The following TTN variants were observed in gnomAD, a reference collection of about 807,000 sequenced individuals.
TTN encodes titin, also known as connectin.
TTN carries 1,525 observed loss-of-function variants against 3,223.0 expected under a neutral mutation model. That is an observed-to-expected ratio of 0.47 (90% CI 0.45 to 0.49). The LOEUF is 0.49. Ranked by LOEUF, TTN falls within the 20% of genes least tolerant of loss-of-function variation. The pLI, the probability that TTN is intolerant of heterozygous loss-of-function variation, is 0.00. For synonymous variants in TTN, 14,094 were observed against 15,161.0 expected, an observed-to-expected ratio of 0.93 and a Z score of 5.17; for missense variants, 40,786 against 43,424.0, an observed-to-expected ratio of 0.94 and a Z score of 5.40.
chr2:178,599,528 T>C (rs2052706173), intron 289 of TTN, 26 bp downstream of exon 289: 1 of 1,524,140 alleles, frequency 6.6e-7, no homozygotes, highest in Admixed American at 2.2e-5. Flanking sequence ...AAACAAGTAA[T>C]TTTAACCAAA....
rs764148551 is a variant in TTN, at chr2:178,615,530, G to T, written c.48461-46C>A. 5.6e-6 allele frequency: 9 copies of T among 1,608,882 alleles called. No homozygotes were observed. The South Asian group carries it at 1.0e-4, about 18-fold the overall frequency. On this transcript the variant is annotated intron_variant, in intron 258 of 362. Coordinates refer to ENST00000589042, the MANE Select transcript of TTN (RefSeq NM_001267550.2). ...AGTCAGTCTTACACAGGCCACCTAT[G>T]CAGTTCTCTTCACATTGCCAACCCC...
At position 178,718,108 on chromosome 2, in the gene TTN, C is replaced by G. The variant is rs1300968279; in HGVS notation, c.24898G>C (p.Glu8300Gln). 4 of 1,612,316 alleles carry G rather than the reference C, an allele frequency of 2.5e-6. No individual in the cohort carries two copies. The Admixed American group carries it at 6.7e-5, about 27-fold the overall frequency. The change falls in exon 86 of 363, where the codon GAA (glutamate) becomes CAA (glutamine). Residue 8300 changes from glutamate to glutamine, a missense_variant. By Grantham distance (29) the Glu-to-Gln change is conservative. Coordinates refer to ENST00000589042, the MANE Select transcript of TTN (RefSeq NM_001267550.2). Reference sequence around the variant, plus strand: ...GGAGCTGATCGTAGCTTTGTGTGTTCTTTATACCAAGAAATTCTAATTTCT... The same window carrying G: ...GGAGCTGATCGTAGCTTTGTGTGTTGTTTATACCAAGAAATTCTAATTTCT... Reference protein sequence around the residue: ...TPEIRISWYKEHTKLRSAPAY... With the variant: ...TPEIRISWYKQHTKLRSAPAY...
intron 270 of TTN, 145 bp downstream of exon 270, chr2:178,610,848 T>C (rs2056170042): frequency 9.8e-7 from 1 of 1,024,886 alleles, no homozygotes; most frequent in Admixed American, 2.8e-5. Context: ...GTTTTACTTC[T>C]CCTATGGAAA....
rs1262186115 is a variant in TTN, at chr2:178,694,798, A to C, written c.31348+31T>G. The C allele has an allele frequency of 3.3e-6, 5 of 1,525,874 alleles. No homozygotes were observed. In the East Asian group the frequency reaches 1.2e-4, roughly 37 times the overall value. 94.5% of individuals were successfully genotyped at this position (1,525,874 alleles called of 1,614,324 possible). A position where few individuals can be genotyped will look rare whatever the true frequency, so the allele number is the denominator to read the frequency against. ...AGATCAGTAAACATATTACTTGTGT[A>C]CATGGGTGCTAGGAATGTTTTAAAT... On this transcript the variant is annotated intron_variant, in intron 116 of 362. Coordinates refer to ENST00000589042, the MANE Select transcript of TTN (RefSeq NM_001267550.2).
Position 178,587,217 on chromosome 2 carries a change from G to A in TTN, c.63994C>T (p.Pro21332Ser). ...ACTCTGAAGTAATACTCATTCCCAG[G>A]GACAAGATTGGTTACATGGAAGCTT... ...KTSFHVTNLV[P>S]GNEYYFRVTA... Residue 21332 changes from proline (P) to serine (S), a missense_variant, in exon 307 of 363, where the codon CCT (proline) becomes TCT (serine). Coordinates refer to ENST00000589042, the MANE Select transcript of TTN (RefSeq NM_001267550.2). 2 of 1,613,206 alleles carry A rather than the reference G, an allele frequency of 1.2e-6. No homozygotes were observed. Among genetic ancestry groups the A allele is most frequent in the Non-Finnish European group, 8.5e-7 (1 of 1,179,460 alleles).
Position 178,566,355 on chromosome 2 carries a change from C to A in TTN, c.79777G>T (p.Asp26593Tyr), listed in dbSNP as rs1464643344. 6.2e-7 allele frequency: 1 copy of A among 1,613,420 alleles called. No individual in the cohort carries two copies. The highest frequency in any genetic ancestry group is 2.2e-5 in the East Asian group (1 of 44,854). ...CCTTTTCTTAATTCGGAGTCAAGGT[C>A]AAGTTCAGGTGCTTCAAGTTTATCT... is the stretch of plus-strand genomic sequence containing the variant. ...PEDKLEAPEL[D>Y]LDSELRKGIV... The change falls in exon 326 of 363, where the codon GAC (aspartate) becomes TAC (tyrosine). Residue 26593 changes from aspartate to tyrosine, a missense_variant. Transcript: ENST00000589042.
rs1276558723 is a variant in TTN, at chr2:178,682,768, T to G, written c.33023A>C (p.Glu11008Ala). The G allele has an allele frequency of 6.2e-7, 1 of 1,613,114 alleles. No individual in the cohort carries two copies. Among genetic ancestry groups the G allele is most frequent in the Non-Finnish European group, 8.5e-7 (1 of 1,179,300 alleles). Residue 11008 changes from glutamate to alanine, a missense_variant, in exon 135 of 363, where the codon GAA becomes GCA. Glu to Ala is a moderately radical substitution (Grantham distance 107). Coordinates refer to ENST00000589042, the MANE Select transcript of TTN (RefSeq NM_001267550.2). The stretch of plus-strand genomic sequence containing the variant: ...CTCGTATTCTTCATATTGGTCATAT[T>G]CTTCTGTTGGTTCATACTCCTCAAA... ...KEFEEYEPTEEYDQYEEYEER... is the reference protein window; with the variant it reads ...KEFEEYEPTEAYDQYEEYEER...
rs369529493 is a variant in TTN, at chr2:178,712,827, G to A, written c.27198C>T (p.Asn9066=). ...SSELVPGDRC[N]VSLEDSVAEL... ...CAGCAACTGAATCCTCCAAAGACACGTTGCATCTGTCACCTGGTACTAGTT... is the reference window on the plus strand; with the variant it reads ...CAGCAACTGAATCCTCCAAAGACACATTGCATCTGTCACCTGGTACTAGTT... The change falls in exon 94 of 363, where the codon AAC becomes AAT. Residue 9066 remains asparagine (N), a synonymous_variant. Coordinates refer to ENST00000589042, the MANE Select transcript of TTN (RefSeq NM_001267550.2). 1 of 1,613,740 alleles carries A rather than the reference G, an allele frequency of 6.2e-7. No homozygotes were observed. Among genetic ancestry groups the A allele is most frequent in the Non-Finnish European group, 8.5e-7 (1 of 1,179,768 alleles).
Position 178,784,256 on chromosome 2 carries a change from A to G in TTN, c.2589T>C (p.Thr863=), listed in dbSNP as rs794727178. ...TTACTCTAGTCTCACTGGGCTTCAC[A>G]GTAGGAGCCTTCACCGATTTGGTGA... is the stretch of plus-strand genomic sequence containing the variant. ...QKITKSVKAP[T]VKPSETRVRA... Residue 863 remains threonine (T), a synonymous_variant, in exon 16 of 363, where the codon ACT becomes ACC. Transcript: ENST00000589042. 4 of 1,614,154 alleles carry G rather than the reference A, an allele frequency of 2.5e-6. No homozygotes were observed. Among genetic ancestry groups the G allele is most frequent in the East Asian group, 2.2e-5 (1 of 44,866 alleles).
rs1280335155 is a variant in TTN, at chr2:178,571,880, T to C, written c.74252A>G (p.Lys24751Arg). 6.2e-7 allele frequency: 1 copy of C among 1,613,490 alleles called. No homozygotes were observed. Among genetic ancestry groups the C allele is most frequent in the Non-Finnish European group, 8.5e-7 (1 of 1,179,600 alleles). ...TGTCTGCTTCAGTGGTACATTATCT[T>C]TATGCCAGGTTACAGCTGGGGTAGG... ...GRPTPAVTWHKDNVPLKQTTR... is the reference protein window; with the variant it reads ...GRPTPAVTWHRDNVPLKQTTR... Residue 24751 changes from lysine (K) to arginine (R), a missense_variant, in exon 326 of 363, where the codon AAA becomes AGA. Coordinates refer to ENST00000589042, the MANE Select transcript of TTN (RefSeq NM_001267550.2).
rs768301442 is a variant in TTN, at chr2:178,561,449, C to T, written c.84683G>A (p.Arg28228His). 2.4e-5 allele frequency: 39 copies of T among 1,613,678 alleles called. No individual in the cohort carries two copies. The highest frequency in any genetic ancestry group is 1.1e-4 in the South Asian group (10 of 91,086). Residue 28228 changes from arginine to histidine, a missense_variant, in exon 326 of 363, where the codon CGT (arginine) becomes CAT (histidine). Physicochemically the swap from Arg to His is conservative, Grantham distance 29 (BLOSUM62 0). Transcript: ENST00000589042. ...TCCAGCAATATTTTCAGCATATACA[C>T]GATACTCATACATCAGTCCTTCATC... ...GLDEGLMYEYRVYAENIAGIG... is the reference protein window; with the variant it reads ...GLDEGLMYEYHVYAENIAGIG...
At chr2:178,789,900 C>G in intron 12 of TTN, 78 bp downstream of exon 12, 1 of 1,578,504 alleles carries the variant, frequency 6.3e-7, no homozygotes, top group South Asian at 1.1e-5. Flanking sequence ...ATTAATAATT[C>G]ATACCATATT....
In TTN at chr2:178,756,648, C is replaced by G. The variant is rs370944002; in HGVS notation, c.10828G>C (p.Val3610Leu). Reference protein sequence around the residue: ...SFQGSSYEYEVQVFESVSQSS... With the variant: ...SFQGSSYEYELQVFESVSQSS... ...TGAGATACACTTTCAAAAACCTGCA[C>G]TTCATATTCATATGATGATCCTTGA... Residue 3610 changes from valine to leucine, a missense_variant, in exon 46 of 363, where the codon GTG (valine) becomes CTG (leucine). Physicochemically the swap from Val to Leu is conservative, Grantham distance 32 (BLOSUM62 1). Transcript: ENST00000589042. The G allele has an allele frequency of 6.2e-7, 1 of 1,613,710 alleles. No homozygotes were observed. The highest frequency in any genetic ancestry group is 1.3e-5 in the African/African-American group (1 of 74,914).
In TTN at chr2:178,564,758, G is replaced by A. The variant is rs1407261959; in HGVS notation, c.81374C>T (p.Thr27125Ile). Reference protein sequence around the residue: ...NSILWVKLNKTPIQDTKFKTT... With the variant: ...NSILWVKLNKIPIQDTKFKTT... The stretch of plus-strand genomic sequence containing the variant: ...TTTGAATTTGGTGTCCTGAATGGGG[G>A]TCTTATTTAACTTGACCCATAAAAT... Residue 27125 changes from threonine (T) to isoleucine (I), a missense_variant, in exon 326 of 363, where the codon ACC (threonine) becomes ATC (isoleucine). Coordinates refer to ENST00000589042, the MANE Select transcript of TTN (RefSeq NM_001267550.2). 1 of 1,612,318 alleles carries A rather than the reference G, an allele frequency of 6.2e-7. No individual in the cohort carries two copies. The highest frequency in any genetic ancestry group is 1.3e-5 in the African/African-American group (1 of 74,856).
In TTN at chr2:178,664,918, C is replaced by G; in HGVS notation, c.36052G>C (p.Ala12018Pro). 6.2e-7 allele frequency: 1 copy of G among 1,607,158 alleles called. No homozygotes were observed. The highest frequency in any genetic ancestry group is 8.5e-7 in the Non-Finnish European group (1 of 1,177,514). ...TTGGCAGGAATAATTTCTTGAGGAG[C>G]TTCGGGCGCTTGAAAGATATTAGCA... ...PETPRMKTPEAPQEIIPAKTV... is the reference protein window; with the variant it reads ...PETPRMKTPEPPQEIIPAKTV... The change falls in exon 166 of 363, where the codon GCT becomes CCT. Residue 12018 changes from alanine (A) to proline (P), a missense_variant. By Grantham distance (27) the Ala-to-Pro change is conservative. Coordinates refer to ENST00000589042, the MANE Select transcript of TTN (RefSeq NM_001267550.2).
At position 178,572,808 on chromosome 2, in the gene TTN, C is replaced by T. The variant is rs764005465; in HGVS notation, c.73324G>A (p.Ala24442Thr). The T allele has an allele frequency of 6.2e-7, 1 of 1,613,392 alleles. No individual in the cohort carries two copies. Among genetic ancestry groups the T allele is most frequent in the Admixed American group, 1.7e-5 (1 of 59,982 alleles). The stretch of plus-strand genomic sequence containing the variant: ...ACAAAAAGTCTCAGGGTGCAGCAGG[C>T]CCTTATAGTAACAACTTTGCGCAGG... ...ADLRKVVTIR[A>T]CCTLRLFVPI... is the part of the protein sequence containing the mutation. The change falls in exon 326 of 363, where the codon GCC becomes ACC. Residue 24442 changes from alanine to threonine, a missense_variant. Coordinates refer to ENST00000589042, the MANE Select transcript of TTN (RefSeq NM_001267550.2).
At chr2:178,687,556 G>C (rs966139983) in intron 127 of TTN, among the ~76,000 whole-genome samples, 11 of 152,232 alleles carry the variant, frequency 7.2e-5, no homozygotes, top group Admixed American at 7.2e-4. Context: ...CTCCTGGAAT[G>C]TAATGAGGTA....
intron 134 of TTN, 93 bp from the exon 135 acceptor site, chr2:178,682,996 G>A (rs754873898): frequency 2.7e-5 from 35 of 1,282,912 alleles, no homozygotes; most frequent in Admixed American, 1.5e-4. Flanking sequence ...ATTCTTTTGC[G>A]TTTGTTTCAT....
rs878994668 is a variant in TTN, at chr2:178,634,033, C to T, written c.42466G>A (p.Gly14156Ser). ...TCACAAACAAAAGTTGCTGTTTCAC[C>T]TTCTTTTACTGTTTGATCTTCAAGA... Reference protein sequence around the residue: ...SPLEDQTVKEGETATFVCELS... With the variant: ...SPLEDQTVKESETATFVCELS... The change falls in exon 231 of 363, where the codon GGT becomes AGT. Residue 14156 changes from glycine to serine, a missense_variant. Transcript: ENST00000589042. This position sits in a 1 kb window ranked among gnomAD's most constrained non-coding sequence, Gnocchi z 4.6. The T allele has an allele frequency of 1.9e-6, 3 of 1,613,150 alleles. No individual in the cohort carries two copies. Among genetic ancestry groups the T allele is most frequent in the South Asian group, 2.2e-5 (2 of 91,054 alleles).
Sources: allele counts gnomAD v4.1 joint callset (sites outside exome capture counted in the v4.1 genomes callset), GRCh38; gene constraint gnomAD v4.1.1; non-coding constraint Gnocchi (gnomAD v3.1); transcripts MANE v1.5; gene names NCBI Gene and HGNC (gene_info 2026-07-23, HGNC 2026-07-21).